IL16: variants seen among roughly 807,000 people sequenced by gnomAD.
The protein encoded by IL16 is pro-interleukin-16.
In IL16, 67 loss-of-function variants were observed where a neutral mutation model predicts 110.1. The ratio of observed to expected loss-of-function variants is 0.61; its 90% CI spans 0.50 to 0.75. IL16 has a LOEUF of 0.75. IL16 is among the 30% of genes least tolerant of loss of function. The pLI, the probability that IL16 is intolerant of heterozygous loss-of-function variation, is 0.00. For synonymous variants in IL16, 689 were observed against 662.9 expected (o/e 1.04, Z -0.61); for missense variants, 1,545 against 1,655.0 (o/e 0.93, Z 1.15).
chr15:81,270,042 C>A (rs1898563961), intron 5 of IL16, among the ~76,000 whole-genome samples: 1 of 152,022 alleles, frequency 6.6e-6, no homozygotes, highest in Non-Finnish European at 1.5e-5. Context: ...AAGCAGGGAC[C>A]CATATATTAA....
At chr15:81,272,072 A>G (rs144741436) in intron 5 of IL16, among the ~76,000 whole-genome samples, 287 of 152,356 alleles carry the variant, frequency 1.9e-3, no homozygotes, top group African/African-American at 6.6e-3. Context: ...CTCCAGGTGC[A>G]TTTATGCCTT....
intron 2 of IL16, among the ~76,000 whole-genome samples, chr15:81,239,610 T>C (rs1897281584): frequency 6.6e-6 from 1 of 152,178 alleles, no homozygotes; most frequent in East Asian, 1.9e-4. Context: ...AGTGATAGAG[T>C]GGGGCTGAGT....
In IL16 at chr15:81,229,690, C is replaced by T. The variant is rs116336018; in HGVS notation, c.312+3979C>T. On this transcript the variant is annotated intron_variant, in intron 2 of 18. Coordinates refer to ENST00000683961, the MANE Select transcript of IL16 (RefSeq NM_172217.5). ...GGTCCTCATATCCTTTCTGGAGAAG[C>T]TCAGAGTACTCAATAGCCCACACCC... 2.5e-3 allele frequency among the ~76,000 whole-genome samples: 387 copies of T among 152,282 alleles called. 1 individual carries two copies. Among genetic ancestry groups the T allele is most frequent in the African/African-American group, 8.9e-3 (369 of 41,556 alleles).
In IL16 at chr15:81,279,603, A is replaced by G. The variant is rs745749777; in HGVS notation, c.910A>G (p.Thr304Ala). 4 of 1,613,976 alleles carry G rather than the reference A, an allele frequency of 2.5e-6. No individual in the cohort carries two copies. Among genetic ancestry groups the G allele is most frequent in the Non-Finnish European group, 2.5e-6 (3 of 1,180,020 alleles). ...CACCCTCACCGTGAGAACCCGCCTG[A>G]CGGCGCCTCCTTCCCTGTGCAGCCA... ...LLTLTVRTRL[T>A]APPSLCSHLS... The change falls in exon 8 of 19, where the codon ACG (threonine) becomes GCG (alanine). Residue 304 changes from threonine to alanine, a missense_variant. Thr to Ala is a moderately conservative substitution (Grantham distance 58). This residue lies in a region of IL16 where 1,185 missense variants were observed against 1,238.8 expected (regional missense o/e 0.96). Transcript: ENST00000683961.
chr15:81,287,235 A>G (rs1049392378), intron 10 of IL16, among the ~76,000 whole-genome samples: 1 of 152,218 alleles, frequency 6.6e-6, no homozygotes, highest in African/African-American at 2.4e-5. Context: ...TGGAAGACTG[A>G]GCAATGGTCT....
At chr15:81,236,834 G>A (rs1057105292) in intron 2 of IL16, among the ~76,000 whole-genome samples, 5 of 152,090 alleles carry the variant, frequency 3.3e-5, no homozygotes, top group African/African-American at 4.8e-5. Flanking sequence ...GTGGGTGCCC[G>A]TAATCCCAGC....
intron 12 of IL16, 111 bp downstream of exon 12, chr15:81,293,148 T>C: frequency 8.4e-7 from 1 of 1,183,524 alleles, no homozygotes; most frequent in Non-Finnish European, 1.2e-6. Flanking sequence ...TTTCTCCTGC[T>C]CCACCAGAGA....
rs903943657 is a variant in IL16 at position 81,303,274 on chromosome 15, G to C, written c.3319-275G>C. The C allele has an allele frequency of 1.9e-4, 68 of 360,064 alleles. No individual in the cohort carries two copies. The highest frequency in any genetic ancestry group is 4.3e-5 in the Admixed American group (1 of 23,330). The allele number at this position is 360,064 out of a possible 1,614,324, so 22.3% of individuals were successfully genotyped here. On this transcript the variant is annotated intron_variant, in intron 15 of 18. Coordinates refer to ENST00000683961, the MANE Select transcript of IL16 (RefSeq NM_172217.5). The surrounding 1 kb of genome is among the most constrained non-coding windows in gnomAD (Gnocchi z 4.1). ...TATGCTGATTTCTGGCTGACTTCAT[G>C]GCACTCCCCCTGCCCGGCTGTGGAC...
At chr15:81,266,292 C>T (rs1021989301) in intron 4 of IL16, among the ~76,000 whole-genome samples, 4 of 152,204 alleles carry the variant, frequency 2.6e-5, no homozygotes, top group African/African-American at 7.2e-5. Flanking sequence ...TAGTGACCTG[C>T]TTTACCAACA....
intron 1 of IL16, among the ~76,000 whole-genome samples, chr15:81,184,736 A>C (rs370200364): frequency 6.6e-6 from 1 of 152,350 alleles, no homozygotes; most frequent in East Asian, 1.9e-4. Context: ...ACATGCAGGG[A>C]CACCTGTCCA....
chr15:81,303,529 T>G lies in IL16; in HGVS notation c.3319-20T>G. ...CCTCTTGCAGTAAAATGTTTTTGAA[T>G]GTATGTATTTCCTCTGCAGCAATTA... On this transcript the variant is annotated intron_variant, in intron 15 of 18. Coordinates refer to ENST00000683961, the MANE Select transcript of IL16 (RefSeq NM_172217.5). The surrounding 1 kb of genome is among the most constrained non-coding windows in gnomAD (Gnocchi z 4.1). 1 of 1,484,522 alleles carries G rather than the reference T, an allele frequency of 6.7e-7. No homozygotes were observed. The highest frequency in any genetic ancestry group is 9.4e-7 in the Non-Finnish European group (1 of 1,061,944). The allele number at this position is 1,484,522 out of a possible 1,614,324, so 92.0% of individuals were successfully genotyped here.
chr15:81,188,594 A>T (rs987896881), intron 1 of IL16, among the ~76,000 whole-genome samples: 36 of 152,134 alleles, frequency 2.4e-4, no homozygotes, highest in African/African-American at 8.7e-4. Context: ...TGCTCTTTTC[A>T]ATGCAAACCC....
chr15:81,313,336 C>A lies in IL16; in HGVS notation c.*4538C>A, dbSNP rs200434072. ...CTGCGGGGGAAGAAGGAGTCCACCACGTTCTGTGGGAGGTAACCGCTGAGG... is the reference window on the plus strand; with the variant it reads ...CTGCGGGGGAAGAAGGAGTCCACCAAGTTCTGTGGGAGGTAACCGCTGAGG... On this transcript the variant is annotated 3_prime_UTR_variant, in exon 19 of 19. Coordinates refer to ENST00000683961, the MANE Select transcript of IL16 (RefSeq NM_172217.5). The A allele has an allele frequency of 1.6e-5, 25 of 1,577,628 alleles. No homozygotes were observed. Among genetic ancestry groups the A allele is most frequent in the East Asian group, 2.4e-5 (1 of 41,534 alleles).
chr15:81,312,886 G>A lies in IL16; in HGVS notation c.*4088G>A, dbSNP rs117112941. 2.8e-3 allele frequency: 435 copies of A among 157,472 alleles called. 3 individuals are homozygous for A. Among genetic ancestry groups the A allele is most frequent in the Non-Finnish European group, 4.4e-3 (314 of 71,244 alleles). The allele number at this position is 157,472 out of a possible 1,614,324, so 9.8% of individuals were successfully genotyped here. A position where few individuals can be genotyped will look rare whatever the true frequency, so the allele number is the denominator to read the frequency against. ...GATGATGATTCTCTATGACAGTCAG[G>A]GAAACGTGGTCTCTGAGAGTGATGG... is the stretch of plus-strand genomic sequence containing the variant. On this transcript the variant is annotated 3_prime_UTR_variant, in exon 19 of 19. Transcript: ENST00000683961.
chr15:81,254,590 C>T (rs573231715), intron 2 of IL16, among the ~76,000 whole-genome samples: 1 of 152,314 alleles, frequency 6.6e-6, no homozygotes, highest in African/African-American at 2.4e-5. Flanking sequence ...GTATCACCCA[C>T]AGAACCTCTG....
At chr15:81,282,530 A>T in intron 8 of IL16, 109 bp from the exon 9 acceptor site, 1 of 791,834 alleles carries the variant, frequency 1.3e-6, no homozygotes, top group Non-Finnish European at 2.2e-6. Flanking sequence ...TACGGGTGGG[A>T]TGAAAGCTGT....
chr15:81,279,079 T>A (rs1427394694), intron 7 of IL16, among the ~76,000 whole-genome samples, 189 bp downstream of exon 7: 1 of 152,224 alleles, frequency 6.6e-6, no homozygotes, highest in Non-Finnish European at 1.5e-5. Context: ...GGGATTGTTG[T>A]GGGGGATTTT....
chr15:81,296,861 G>C lies in IL16; in HGVS notation c.1903-67G>C, dbSNP rs576211271. ...TCCGTTTTTCCGTCCCAATCAAAGC[G>C]TGTCTCGCCTTCTCACAGCTTGAGG... On this transcript the variant is annotated intron_variant, in intron 12 of 18. Coordinates refer to ENST00000683961, the MANE Select transcript of IL16 (RefSeq NM_172217.5). The C allele has an allele frequency of 3.2e-5, 45 of 1,408,356 alleles. No homozygotes were observed. In the South Asian group the frequency reaches 5.6e-4, roughly 18 times the overall value. The allele number at this position is 1,408,356 out of a possible 1,614,324, so 87.2% of individuals were successfully genotyped here. A position where few individuals can be genotyped will look rare whatever the true frequency, so the allele number is the denominator to read the frequency against.
chr15:81,306,858 G>A (rs927936146), intron 18 of IL16: 8 of 416,644 alleles, frequency 1.9e-5, no homozygotes, highest in Admixed American at 1.8e-4. Context: ...GAATTTTAAA[G>A]GGGTGCCAAA....
Sources: gnomAD v4.1 joint callset for allele counts (sites outside exome capture counted in the v4.1 genomes callset) on GRCh38, gnomAD v4.1.1 for gene constraint, gnomAD v4.1.1 regional missense constraint, Gnocchi (gnomAD v3.1) non-coding constraint, MANE v1.5 for transcripts, NCBI Gene and HGNC (gene_info 2026-07-23, HGNC 2026-07-21) for gene names.